Variants in PTGES3 observed in about 807,000 individuals in gnomAD.
PTGES3 encodes the protein Hsp90 co-chaperone.
Under a neutral mutation model 29.9 loss-of-function variants are expected in PTGES3, and 5 were observed. The ratio of observed to expected loss-of-function variants is 0.17; its 90% confidence interval spans 0.09 to 0.35. The LOEUF is 0.35. PTGES3 is among the 10% of genes least tolerant of loss of function. The pLI, the probability that PTGES3 is intolerant of heterozygous loss-of-function variation, is 1.00. For synonymous variants in PTGES3, 49 were observed against 57.8 expected, an observed-to-expected ratio of 0.85 and a Z score of 0.69; for missense variants, 128 against 190.0, an observed-to-expected ratio of 0.67 and a Z score of 1.92.
At chr12:56,666,667 G>A (rs539123838) in intron 5 of PTGES3, among the ~76,000 whole-genome samples, 3 of 152,032 alleles carry the variant, frequency 2.0e-5, no homozygotes, top group South Asian at 2.1e-4. Context: ...TAGCTTTGTC[G>A]TCCAAGCTGG....
chr12:56,683,837 T>C (rs1463050630), intron 1 of PTGES3, among the ~76,000 whole-genome samples: 2 of 149,632 alleles, frequency 1.3e-5, no homozygotes, highest in South Asian at 2.1e-4. Context: ...CGGGTGCCTG[T>C]AGTCCCAGCT....
At chr12:56,676,126 TGGGAGG>T (rs1194889175) in intron 1 of PTGES3, among the ~76,000 whole-genome samples, 291 of 134,748 alleles carry the variant, frequency 2.2e-3, no homozygotes, top group Middle Eastern at 4.0e-3. Context: ...TTTGGGAGGC[TGGGAGG>T]GGGAGGGGGA....
At chr12:56,685,252 T>TA (rs1952769463) in intron 1 of PTGES3, among the ~76,000 whole-genome samples, 1 of 152,186 alleles carries the variant, frequency 6.6e-6, no homozygotes, top group South Asian at 2.1e-4. Context: ...TTTAGCTTGT[T>TA]AAGAGTCCCT....
At chr12:56,675,325 A>G (rs1356330600) in intron 1 of PTGES3, among the ~76,000 whole-genome samples, 1 of 151,874 alleles carries the variant, frequency 6.6e-6, no homozygotes, top group African/African-American at 2.4e-5. Context: ...AAAGAAAAAG[A>G]AAAAAAGCCT....
In PTGES3 at chr12:56,664,248, A is replaced by T; in HGVS notation, c.*231T>A. On this transcript the variant is annotated 3_prime_UTR_variant, in exon 8 of 8. Coordinates refer to ENST00000262033, the MANE Select transcript of PTGES3 (RefSeq NM_006601.7). ...TCAACAGCTTCATGAAAGTCTGGGA[A>T]ATGTTCATGCATAAGGTTATTGCCT... 2.4e-6 allele frequency: 1 copy of T among 417,132 alleles called. No individual in the cohort carries two copies. The highest frequency in any genetic ancestry group is 3.2e-5 in the South Asian group (1 of 31,086). 25.8% of individuals were successfully genotyped at this position (417,132 alleles called of 1,614,324 possible).
At chr12:56,682,901 G>A (rs1467191504) in intron 1 of PTGES3, among the ~76,000 whole-genome samples, 1 of 151,886 alleles carries the variant, frequency 6.6e-6, no homozygotes, top group East Asian at 1.9e-4. Context: ...GTCTGAGAGA[G>A]GAGAATCGCT....
chr12:56,687,127 A>T (rs563025014), intron 1 of PTGES3: 1 of 818,078 alleles, frequency 1.2e-6, no homozygotes, highest in Non-Finnish European at 1.6e-6. Flanking sequence ...TAAAATGAAG[A>T]CTGCCATAGA....
chr12:56,680,077 G>C (rs1952454144), intron 1 of PTGES3, among the ~76,000 whole-genome samples: 1 of 142,356 alleles, frequency 7.0e-6, no homozygotes, highest in South Asian at 2.1e-4. Flanking sequence ...TATTGGTTTT[G>C]GTTTTTTTTT....
intron 1 of PTGES3, among the ~76,000 whole-genome samples, chr12:56,674,840 A>AAAAAAAAAC (rs1952159406): frequency 7.2e-6 from 1 of 138,592 alleles, no homozygotes; most frequent in South Asian, 2.5e-4. Flanking sequence ...AAAAAAAAAA[A>AAAAAAAAAC]AAAAAAAAAA....
intron 1 of PTGES3, chr12:56,687,416 C>A: frequency 1.0e-6 from 1 of 987,564 alleles, no homozygotes; most frequent in Non-Finnish European, 1.2e-6. Context: ...CTGGAAGTAC[C>A]CACACTCAAG....
At chr12:56,678,752 G>T (rs910336958) in intron 1 of PTGES3, among the ~76,000 whole-genome samples, 2 of 152,158 alleles carry the variant, frequency 1.3e-5, no homozygotes, top group Non-Finnish European at 2.9e-5. Context: ...AGGATTTTAG[G>T]TTATGCAAAA....
intron 1 of PTGES3, among the ~76,000 whole-genome samples, chr12:56,679,297 C>T (rs1413868603): frequency 2.0e-5 from 3 of 149,562 alleles, no homozygotes; most frequent in African/African-American, 7.4e-5. Context: ...ATCCCAGCTA[C>T]TTGGGAGGCT....
intron 1 of PTGES3, among the ~76,000 whole-genome samples, chr12:56,678,138 T>G (rs1008778844): frequency 6.6e-6 from 1 of 152,174 alleles, no homozygotes; most frequent in Non-Finnish European, 1.5e-5. Flanking sequence ...TAGCAGAACT[T>G]TGATGTCTCA....
At chr12:56,686,373 AATTT>A (rs63181863) in intron 1 of PTGES3, among the ~76,000 whole-genome samples, 93,874 of 150,816 alleles carry the variant, frequency 0.62, 29,627 homozygotes, top group South Asian at 0.75. Context: ...TATACATTCA[AATTT>A]ATTTATTTAT....
chr12:56,684,023 G>A (rs567029144), intron 1 of PTGES3, among the ~76,000 whole-genome samples: 1 of 150,450 alleles, frequency 6.6e-6, no homozygotes, highest in African/African-American at 2.4e-5. Flanking sequence ...GATCCACACA[G>A]TAAATAGTAA....
chr12:56,666,292 T>A (rs987299712), intron 5 of PTGES3, 26 bp from the exon 6 acceptor site: 1 of 1,598,464 alleles, frequency 6.3e-7, no homozygotes, highest in Non-Finnish European at 8.5e-7. Flanking sequence ...AAATTAGTTT[T>A]AAAAATGATG....
Position 56,672,757 on chromosome 12 carries a change from G to A in PTGES3, c.169C>T (p.His57Tyr). 6.3e-7 allele frequency: 1 copy of A among 1,588,002 alleles called. No individual in the cohort carries two copies. The highest frequency in any genetic ancestry group is 8.6e-7 in the Non-Finnish European group (1 of 1,168,740). ...FKHLNEIDLF[H>Y]CIDPNDSKHK... ...CTACTTACATTTGGATCAATACAGTGAAAAAGATCAATTTCATTTAAATGC... is the reference window on the plus strand; with the variant it reads ...CTACTTACATTTGGATCAATACAGTAAAAAAGATCAATTTCATTTAAATGC... Residue 57 changes from histidine (H) to tyrosine (Y), a missense_variant, in exon 3 of 8, where the codon CAC becomes TAC. Transcript: ENST00000262033.
Position 56,663,405 on chromosome 12 carries a change from T to C in PTGES3, c.*1074A>G, listed in dbSNP as rs1951677007. ...AATCAAATCACACAACACTTTCTTT[T>C]CCAACTGCTGCAAAGTGCATCTACA... is the stretch of plus-strand genomic sequence containing the variant. On this transcript the variant is annotated 3_prime_UTR_variant, in exon 8 of 8. Coordinates refer to ENST00000262033, the MANE Select transcript of PTGES3 (RefSeq NM_006601.7). The C allele has an allele frequency of 6.6e-6, 1 of 152,228 alleles. No homozygotes were observed. The highest frequency in any genetic ancestry group is 2.4e-5 in the African/African-American group (1 of 41,462). The allele number at this position is 152,228 out of a possible 1,614,324, so 9.4% of individuals were successfully genotyped here. A position where few individuals can be genotyped will look rare whatever the true frequency, so the allele number is the denominator to read the frequency against.
chr12:56,681,141 TGCAATG>T (rs1327734399), intron 1 of PTGES3, among the ~76,000 whole-genome samples: 1 of 152,156 alleles, frequency 6.6e-6, no homozygotes, highest in Non-Finnish European at 1.5e-5. Context: ...CAGACTGGAA[TGCAATG>T]GCTTGATCTC....
Sources: allele counts gnomAD v4.1 joint callset (sites outside exome capture counted in the v4.1 genomes callset), GRCh38; gene constraint gnomAD v4.1.1; transcripts MANE v1.5; gene names NCBI Gene and HGNC (gene_info 2026-07-23, HGNC 2026-07-21).